The following TMPRSS15 variants were observed in gnomAD, a reference collection of about 807,000 sequenced individuals.
The protein encoded by TMPRSS15 is enteropeptidase.
Under a neutral mutation model 125.3 loss-of-function variants are expected in TMPRSS15, and 128 were observed. That is an observed-to-expected ratio of 1.02 (90% CI 0.89 to 1.18). The LOEUF is 1.18. Ranked by LOEUF, TMPRSS15 falls within the 50% of genes most tolerant of loss-of-function variation. TMPRSS15 has a pLI of 0.00. For missense variants in TMPRSS15, 1,283 were observed against 1,212.7 expected, an observed-to-expected ratio of 1.06 and a Z score of -0.86; for synonymous variants, 446 against 423.2, an observed-to-expected ratio of 1.05 and a Z score of -0.66.
intron 16 of TMPRSS15, among the ~76,000 whole-genome samples, chr21:18,318,531 A>G (rs2075198060): frequency 6.6e-6 from 1 of 152,360 alleles, no homozygotes; most frequent in African/African-American, 2.4e-5. Context: ...CCTCTGCCTT[A>G]AGTTATTAAG....
chr21:18,450,302 A>G (rs559123442), intron 1 of TMPRSS15, among the ~76,000 whole-genome samples: 2 of 152,108 alleles, frequency 1.3e-5, no homozygotes, highest in South Asian at 4.2e-4. Context: ...CTGGGGTTGC[A>G]TAATGGAAAG....
intron 13 of TMPRSS15, among the ~76,000 whole-genome samples, chr21:18,333,541 T>C (rs1439120132): frequency 6.6e-6 from 1 of 152,192 alleles, no homozygotes; most frequent in Non-Finnish European, 1.5e-5. Context: ...GATTTTCCTT[T>C]TTTTTTCATT....
At chr21:18,312,756 T>C (rs1245155425) in intron 18 of TMPRSS15, among the ~76,000 whole-genome samples, 189 bp downstream of exon 18, 1 of 152,068 alleles carries the variant, frequency 6.6e-6, no homozygotes, top group African/African-American at 2.4e-5. Context: ...ACAGTATTCA[T>C]ACAAAGGTTA....
chr21:18,410,860 T>G (rs1438197953), intron 1 of TMPRSS15, among the ~76,000 whole-genome samples: 1 of 152,148 alleles, frequency 6.6e-6, no homozygotes, highest in African/African-American at 2.4e-5. Flanking sequence ...TTATTCAACT[T>G]AAGGATATAT....
In TMPRSS15 at chr21:18,281,052, C is replaced by T. The variant is rs2074691666; in HGVS notation, c.2656G>A (p.Val886Met). The stretch of plus-strand genomic sequence containing the variant: ...TTTTTTTTTTTACCTGTGTAATTCA[C>T]TTTAAATTCCAGATGCATCATGGCA... ...DIAMMHLEFK[V>M]NYTDYIQPIC... The change falls in exon 22 of 25, where the codon GTG becomes ATG. Residue 886 changes from valine (V) to methionine (M), a missense_variant. Transcript: ENST00000284885. The T allele has an allele frequency of 3.1e-6, 5 of 1,613,280 alleles. No individual in the cohort carries two copies. Among genetic ancestry groups the T allele is most frequent in the Non-Finnish European group, 3.4e-6 (4 of 1,179,870 alleles).
At chr21:18,404,708 T>C (rs2076134412), upstream of TMPRSS15, among the ~76,000 whole-genome samples, 1 of 152,028 alleles carries the variant, frequency 6.6e-6, no homozygotes, top group South Asian at 2.1e-4. Flanking sequence ...AAGTTTTAGA[T>C]TGGAAACCCC....
chr21:18,428,064 C>T (rs1569066784), intron 1 of TMPRSS15, among the ~76,000 whole-genome samples: 3 of 152,172 alleles, frequency 2.0e-5, no homozygotes, highest in Admixed American at 2.0e-4. Context: ...CAATGGGAAA[C>T]TTCTTTTCAC....
chr21:18,284,040 T>C (rs1357051319), intron 21 of TMPRSS15, among the ~76,000 whole-genome samples: 2 of 152,210 alleles, frequency 1.3e-5, no homozygotes, highest in African/African-American at 2.4e-5. Flanking sequence ...TGACACATTC[T>C]TGATAATTTC....
chr21:18,413,349 TTCCTTCCTTCCTTTCC>T, intron 1 of TMPRSS15, among the ~76,000 whole-genome samples: 1 of 140,712 alleles, frequency 7.1e-6, no homozygotes, highest in Non-Finnish European at 1.5e-5. Flanking sequence ...CCTTCCTTCC[TTCCTTCCTTCCTTTCC>T]TTCCTTCCTT....
upstream of TMPRSS15, among the ~76,000 whole-genome samples, chr21:18,407,773 T>C (rs182492947): frequency 6.6e-6 from 1 of 152,298 alleles, no homozygotes; most frequent in East Asian, 1.9e-4. Context: ...AAGATAATTA[T>C]TTTAAACATA....
chr21:18,269,765 T>C lies in TMPRSS15; in HGVS notation c.*204A>G. On this transcript the variant is annotated 3_prime_UTR_variant, in exon 25 of 25. Transcript: ENST00000284885. ...TGAAATACAAATGTATTTAATGGTATTTTAAAGTTATTCTGTATTGCTATG... is the reference window on the plus strand; with the variant it reads ...TGAAATACAAATGTATTTAATGGTACTTTAAAGTTATTCTGTATTGCTATG... 1 of 546,398 alleles carries C rather than the reference T, an allele frequency of 1.8e-6. No individual in the cohort carries two copies. The highest frequency in any genetic ancestry group is 3.2e-6 in the Non-Finnish European group (1 of 309,510). 33.8% of individuals were successfully genotyped at this position (546,398 alleles called of 1,614,324 possible).
rs1444719094 is a variant in TMPRSS15, at chr21:18,269,965, T to TG, written c.*3dup. 6.2e-7 allele frequency: 1 copy of TG among 1,613,678 alleles called. No homozygotes were observed. The highest frequency in any genetic ancestry group is 1.7e-5 in the Admixed American group (1 of 59,992). ...CGACTTTCCTGTTTAGTTTAAGAAA[T>TG]GCGCTAATGTAGAAAACTTTGTATC... On this transcript the variant is annotated 3_prime_UTR_variant, in exon 25 of 25. Coordinates refer to ENST00000284885, the MANE Select transcript of TMPRSS15 (RefSeq NM_002772.3).
chr21:18,443,640 C>T (rs1166915866), intron 1 of TMPRSS15, among the ~76,000 whole-genome samples: 1 of 152,176 alleles, frequency 6.6e-6, no homozygotes, highest in African/African-American at 2.4e-5. Context: ...AGTTGTGGTG[C>T]CAACAATAAG....
At chr21:18,363,441 C>T (rs2075696245) in intron 7 of TMPRSS15, among the ~76,000 whole-genome samples, 1 of 151,920 alleles carries the variant, frequency 6.6e-6, no homozygotes, top group Admixed American at 6.6e-5. Flanking sequence ...GCTCATAAAC[C>T]CTCTAAATGT....
At chr21:18,321,594 G>C (rs529110503) in intron 16 of TMPRSS15, among the ~76,000 whole-genome samples, 3 of 152,014 alleles carry the variant, frequency 2.0e-5, no homozygotes, top group Admixed American at 6.5e-5. Context: ...CTCTCGATCC[G>C]CCCGCCTTGG....
intron 5 of TMPRSS15, among the ~76,000 whole-genome samples, chr21:18,378,083 A>G (rs771523997): frequency 1.3e-5 from 2 of 152,124 alleles, no homozygotes; most frequent in Non-Finnish European, 2.9e-5. Flanking sequence ...TGATGAACCA[A>G]TAAACAAATA....
chr21:18,289,940 G>A (rs1315998122), intron 21 of TMPRSS15, among the ~76,000 whole-genome samples: 3 of 152,164 alleles, frequency 2.0e-5, no homozygotes, highest in Non-Finnish European at 4.4e-5. Flanking sequence ...GCATCGATTT[G>A]TATACTTAAG....
intron 1 of TMPRSS15, among the ~76,000 whole-genome samples, chr21:18,480,498 T>C (rs1978962760): frequency 6.6e-6 from 1 of 151,892 alleles, no homozygotes; most frequent in African/African-American, 2.4e-5. Context: ...TATTTTTTAT[T>C]TAAACCAGCA....
At chr21:18,467,769 A>C (rs895140889) in intron 1 of TMPRSS15, among the ~76,000 whole-genome samples, 4 of 152,172 alleles carry the variant, frequency 2.6e-5, no homozygotes, top group Non-Finnish European at 5.9e-5. Context: ...TGTTGTGGGA[A>C]TGATAATATG....
Sources: gnomAD v4.1 joint callset for allele counts (sites outside exome capture counted in the v4.1 genomes callset) on GRCh38, gnomAD v4.1.1 for gene constraint, MANE v1.5 for transcripts, NCBI Gene and HGNC (gene_info 2026-07-23, HGNC 2026-07-21) for gene names.